Variants in SYNPO2 observed in about 807,000 individuals in gnomAD.
The protein encoded by SYNPO2 is synaptopodin 2, also known as synaptopodin-2.
A neutral mutation model predicts 85.0 loss-of-function variants in SYNPO2; 56 were observed. The ratio of observed to expected loss-of-function variants is 0.66; its 90% CI spans 0.53 to 0.82. The LOEUF (loss-of-function observed/expected upper bound fraction) is 0.82, where lower values mean the gene tolerates loss of function less well. SYNPO2 is among the 40% of genes least tolerant of loss of function. The pLI, the probability that SYNPO2 is intolerant of heterozygous loss-of-function variation, is 0.00. For synonymous variants in SYNPO2, 602 were observed against 591.1 expected (o/e 1.02, Z -0.27); for missense variants, 1,575 against 1,534.2 (o/e 1.03, Z -0.44).
intron 1 of SYNPO2, among the ~76,000 whole-genome samples, chr4:118,997,632 G>C (rs1736669148): frequency 6.6e-6 from 1 of 152,192 alleles, no homozygotes; most frequent in Non-Finnish European, 1.5e-5. Context: ...AGATTCAATA[G>C]TGGATGCCTG....
chr4:119,012,718 G>A (rs1037556997), intron 1 of SYNPO2, among the ~76,000 whole-genome samples: 9 of 152,080 alleles, frequency 5.9e-5, no homozygotes, highest in African/African-American at 2.2e-4. Context: ...CCCTTCAAAG[G>A]ACATTAACTC....
At chr4:118,897,825 G>A (rs560653829) in intron 1 of SYNPO2, among the ~76,000 whole-genome samples, 127 of 152,284 alleles carry the variant, frequency 8.3e-4, no homozygotes, top group African/African-American at 2.8e-3. Flanking sequence ...TGGGTCTAGT[G>A]TAGTTTGAAC....
intron 1 of SYNPO2, among the ~76,000 whole-genome samples, chr4:119,016,540 T>C (rs1737534272): frequency 1.3e-5 from 2 of 152,216 alleles, no homozygotes; most frequent in Admixed American, 1.3e-4. Context: ...TACATGTGCT[T>C]TTATTAGGAG....
intron 4 of SYNPO2, chr4:119,033,209 AATT>A: frequency 1.0e-6 from 1 of 985,420 alleles, no homozygotes; most frequent in Non-Finnish European, 1.2e-6. Context: ...GAGAGCACAC[AATT>A]ATTAGCATCA....
chr4:118,852,549 G>A (rs1265798742), intron 1 of SYNPO2, among the ~76,000 whole-genome samples: 14 of 152,182 alleles, frequency 9.2e-5, no homozygotes. Flanking sequence ...CATAAAAAAA[G>A]AACAGTATCA....
chr4:119,027,459 C>A (rs374004428), intron 3 of SYNPO2, 21 bp downstream of exon 3: 2 of 1,557,452 alleles, frequency 1.3e-6, no homozygotes, highest in Non-Finnish European at 8.7e-7. Flanking sequence ...CCTGGGCTTT[C>A]AGAAGGGGCT....
intron 1 of SYNPO2, among the ~76,000 whole-genome samples, chr4:119,005,095 T>C (rs1052780970): frequency 3.9e-5 from 6 of 152,194 alleles, no homozygotes; most frequent in African/African-American, 1.2e-4. Flanking sequence ...TCTTGTAAAT[T>C]TGTTTGAGTT....
At chr4:118,931,328 G>A (rs1329922299) in intron 1 of SYNPO2, among the ~76,000 whole-genome samples, 1 of 152,132 alleles carries the variant, frequency 6.6e-6, no homozygotes, top group Non-Finnish European at 1.5e-5. Context: ...ATTAGTTTGG[G>A]TGCTTGCTAT....
At chr4:118,991,224 T>C (rs1736404374) in intron 1 of SYNPO2, among the ~76,000 whole-genome samples, 1 of 152,186 alleles carries the variant, frequency 6.6e-6, no homozygotes, top group Admixed American at 6.5e-5. Context: ...CTTGACTCAC[T>C]GCAACCTCTG....
At chr4:118,923,024 A>G (rs555233576) in intron 1 of SYNPO2, among the ~76,000 whole-genome samples, 1 of 152,308 alleles carries the variant, frequency 6.6e-6, no homozygotes, top group South Asian at 2.1e-4. Context: ...ATGGATATCT[A>G]TTAAAGGAAC....
In SYNPO2 at chr4:119,031,603, CA is replaced by C. The variant is rs761846720; in HGVS notation, c.2829del (p.Ala944LeufsTer19). 1 of 1,614,198 alleles carries C rather than the reference CA, an allele frequency of 6.2e-7. No individual in the cohort carries two copies. Among genetic ancestry groups the C allele is most frequent in the Non-Finnish European group, 8.5e-7 (1 of 1,180,038 alleles). ...YPLAALKSQPSAAQPSKMGKK... is the reference protein window; with the variant it reads ...YPLAALKSQPXAAQPSKMGKK... The stretch of plus-strand genomic sequence containing the variant: ...CTGGCTGCTCTCAAGTCTCAGCCAT[CA>C]GCTGCACAGCCCTCCAAAATGGGCA... On this transcript the variant is annotated frameshift_variant, in exon 4 of 5. Transcript: ENST00000307142. LOFTEE classifies it high-confidence loss of function.
At position 119,026,915 on chromosome 4, in the gene SYNPO2, G is replaced by C; in HGVS notation, c.546G>C (p.Leu182=). The part of the protein sequence containing the change: ...DSQRGRVAEE[L]ILREKVEAVQ... ...AAAGAGGACGCGTGGCAGAAGAGCT[G>C]ATCTTAAGGGAGAAGGTAGAAGCGG... The change falls in exon 3 of 5, where the codon CTG becomes CTC. Residue 182 remains leucine, a synonymous_variant. Coordinates refer to ENST00000307142, the MANE Select transcript of SYNPO2 (RefSeq NM_133477.3). 1 of 1,614,186 alleles carries C rather than the reference G, an allele frequency of 6.2e-7. No homozygotes were observed. Among genetic ancestry groups the C allele is most frequent in the African/African-American group, 1.3e-5 (1 of 75,042 alleles).
chr4:118,887,166 AGTGTGTGTGT>A (rs71595329), upstream of SYNPO2, among the ~76,000 whole-genome samples: 73 of 139,144 alleles, frequency 5.2e-4, 1 homozygote, highest in Admixed American at 2.7e-3. Context: ...CATCTGAGTG[AGTGTGTGTGT>A]GTGTGTGTGT....
intron 1 of SYNPO2, among the ~76,000 whole-genome samples, chr4:119,015,522 G>A (rs963967865): frequency 4.0e-5 from 6 of 151,500 alleles, no homozygotes; most frequent in African/African-American, 1.5e-4. Context: ...AACAGTTTCA[G>A]AAAAAAAAGC....
intron 1 of SYNPO2, among the ~76,000 whole-genome samples, chr4:118,993,222 G>A (rs2149169006): frequency 6.6e-6 from 1 of 152,190 alleles, no homozygotes; most frequent in East Asian, 1.9e-4. Flanking sequence ...GTGTATTTGT[G>A]TGTGTTTGTG....
intron 4 of SYNPO2, among the ~76,000 whole-genome samples, chr4:119,046,783 G>A (rs1173357903): frequency 2.0e-5 from 3 of 152,188 alleles, no homozygotes; most frequent in Non-Finnish European, 4.4e-5. Flanking sequence ...GAACTTTCAG[G>A]TCAATGTGAC....
intron 1 of SYNPO2, among the ~76,000 whole-genome samples, chr4:118,854,468 AT>A (rs930165363): frequency 4.1e-4 from 62 of 152,190 alleles, no homozygotes; most frequent in African/African-American, 1.3e-3. Context: ...AAATAGTTCA[AT>A]TTTTTTTCTA....
At chr4:118,908,008 C>T (rs908828314) in intron 1 of SYNPO2, among the ~76,000 whole-genome samples, 4 of 152,062 alleles carry the variant, frequency 2.6e-5, no homozygotes, top group African/African-American at 9.7e-5. Flanking sequence ...TATAGATTGA[C>T]CGTTATTGAC....
chr4:118,874,161 A>G (rs62329300), intron 1 of SYNPO2, among the ~76,000 whole-genome samples: 27,693 of 152,112 alleles, frequency 0.18, 2,670 homozygotes, highest in East Asian at 0.21. Flanking sequence ...ATGTTATTAG[A>G]CATTTTAAAT....
Sources: gnomAD v4.1 joint callset for allele counts (sites outside exome capture counted in the v4.1 genomes callset) on GRCh38, gnomAD v4.1.1 for gene constraint, MANE v1.5 for transcripts, NCBI Gene and HGNC (gene_info 2026-07-23, HGNC 2026-07-21) for gene names.